The following MRPS22 variants were observed in gnomAD, a reference collection of about 807,000 sequenced individuals.
The protein encoded by MRPS22 is small ribosomal subunit protein mS22.
MRPS22 carries 30 observed loss-of-function variants against 44.0 expected under a neutral mutation model. That is an observed-to-expected ratio of 0.68 (90% CI 0.51 to 0.93). MRPS22 has a LOEUF of 0.93. Ranked by LOEUF, MRPS22 falls within the 40% of genes least tolerant of loss-of-function variation. MRPS22 has a pLI of 0.00. For missense variants in MRPS22, 447 were observed against 447.8 expected, an observed-to-expected ratio of 1.00 and a Z score of 0.02; for synonymous variants, 165 against 154.4, an observed-to-expected ratio of 1.07 and a Z score of -0.51.
At position 139,352,817 on chromosome 3, in the gene MRPS22, A is replaced by C. The variant is rs371823847; in HGVS notation, c.878+25A>C. 615 of 1,608,162 alleles carry C rather than the reference A, an allele frequency of 3.8e-4. 1 individual carries two copies. The highest frequency in any genetic ancestry group is 3.6e-4 in the Non-Finnish European group (423 of 1,176,146). ...TGTAAGTATGATCTTAGTAAGTGAA[A>C]GAATCATTCTTATTGCTCTAACAGT... On this transcript the variant is annotated intron_variant, in intron 6 of 7. Transcript: ENST00000680020.
At chr3:139,356,483 G>T (rs1389567624) in intron 7 of MRPS22, among the ~76,000 whole-genome samples, 2 of 152,196 alleles carry the variant, frequency 1.3e-5, no homozygotes, top group African/African-American at 2.4e-5. Context: ...GACCTGTGAT[G>T]ACATCCTAGG....
chr3:139,350,080 T>C, intron 3 of MRPS22, 99 bp from the exon 4 acceptor site: 1 of 1,393,236 alleles, frequency 7.2e-7, no homozygotes, highest in Non-Finnish European at 1.0e-6. Flanking sequence ...GCATTTTATA[T>C]TGTTGATTGC....
intron 5 of MRPS22, chr3:139,352,217 T>C (rs16849013): frequency 0.018 from 3,333 of 186,038 alleles, 106 homozygotes; most frequent in African/African-American, 0.074. Context: ...TGCTTCAGGC[T>C]GCCACATACT....
At chr3:139,347,957 T>C (rs1023632030) in intron 2 of MRPS22, among the ~76,000 whole-genome samples, 3 of 152,176 alleles carry the variant, frequency 2.0e-5, no homozygotes, top group African/African-American at 7.2e-5. Flanking sequence ...AACGGTTGAG[T>C]CTATAGCTGG....
chr3:139,350,811 G>A, intron 4 of MRPS22, 166 bp from the exon 5 acceptor site: 2 of 683,896 alleles, frequency 2.9e-6, no homozygotes, highest in Non-Finnish European at 5.4e-6. Context: ...TGGCTTAGCT[G>A]GAATTTGAAT....
rs11556242 is a variant in MRPS22, at chr3:139,350,268, A to C, written c.594A>C (p.Pro198=). Residue 198 remains proline (P), a synonymous_variant, in exon 4 of 8, where the codon CCA becomes CCC. Coordinates refer to ENST00000680020, the MANE Select transcript of MRPS22 (RefSeq NM_020191.4). ...ERDRMIQVYF[P]KEGRKILTPI... ...ACCGAATGATACAAGTTTATTTCCCAAAAGAAGGTCGTAAAATTTTGACAC... is the reference window on the plus strand; with the variant it reads ...ACCGAATGATACAAGTTTATTTCCCCAAAGAAGGTCGTAAAATTTTGACAC... 1.2e-6 allele frequency: 2 copies of C among 1,614,198 alleles called. No individual in the cohort carries two copies. The highest frequency in any genetic ancestry group is 2.2e-5 in the South Asian group (2 of 91,090).
chr3:139,351,233 A>T (rs1376932758), intron 5 of MRPS22, 173 bp downstream of exon 5: 2 of 610,124 alleles, frequency 3.3e-6, no homozygotes, highest in Non-Finnish European at 5.9e-6. Context: ...AATCACAACA[A>T]CCCTTGATTA....
At chr3:139,346,137 C>T (rs76239664) in intron 1 of MRPS22, among the ~76,000 whole-genome samples, 6 of 152,342 alleles carry the variant, frequency 3.9e-5, no homozygotes, top group East Asian at 1.9e-4. Context: ...TGATAACACA[C>T]GGCCTCTTCA....
intron 5 of MRPS22, chr3:139,352,024 G>C (rs1941161149): frequency 6.5e-6 from 1 of 153,624 alleles, no homozygotes; most frequent in Non-Finnish European, 1.4e-5. Flanking sequence ...TAGGGTAGTT[G>C]ATGGGGGGAG....
intron 5 of MRPS22, chr3:139,351,756 C>T (rs1347242805): frequency 3.2e-5 from 5 of 154,404 alleles, no homozygotes; most frequent in Non-Finnish European, 5.7e-5. Flanking sequence ...GCTTGAGAAA[C>T]GGCCAGTGAT....
In MRPS22 at chr3:139,348,223, C is replaced by G; in HGVS notation, c.403C>G (p.Arg135Gly). Residue 135 changes from arginine to glycine, a missense_variant, in exon 3 of 8, where the codon CGA becomes GGA. Arg to Gly is a moderately radical substitution (Grantham distance 125). Coordinates refer to ENST00000680020, the MANE Select transcript of MRPS22 (RefSeq NM_020191.4). Reference sequence around the variant, plus strand: ...AAAAATGCCACCAGTTCTGGAAGAGCGAGTACCAATAAATGATGTGTTAGC... The same window carrying G: ...AAAAATGCCACCAGTTCTGGAAGAGGGAGTACCAATAAATGATGTGTTAGC... ...RLKMPPVLEERVPINDVLAED... is the reference protein window; with the variant it reads ...RLKMPPVLEEGVPINDVLAED... 1.2e-6 allele frequency: 2 copies of G among 1,613,984 alleles called. No individual in the cohort carries two copies. Among genetic ancestry groups the G allele is most frequent in the Non-Finnish European group, 1.7e-6 (2 of 1,179,964 alleles).
chr3:139,354,578 GCT>G (rs138940929), intron 6 of MRPS22, among the ~76,000 whole-genome samples: 2,221 of 152,200 alleles, frequency 0.015, 27 homozygotes, highest in Admixed American at 0.041. Context: ...TGATACAACA[GCT>G]CTGTTTTCCT....
chr3:139,352,467 C>T, intron 5 of MRPS22, 180 bp from the exon 6 acceptor site: 1 of 574,528 alleles, frequency 1.7e-6, no homozygotes, highest in Non-Finnish European at 3.1e-6. Flanking sequence ...TCCTTCCCAC[C>T]TAAGGTGGGT....
intron 3 of MRPS22, among the ~76,000 whole-genome samples, 189 bp from the exon 4 acceptor site, chr3:139,349,989 CA>C (rs1410554514): frequency 6.6e-6 from 1 of 152,156 alleles, no homozygotes; most frequent in Non-Finnish European, 1.5e-5. Flanking sequence ...GTCAGATGCA[CA>C]GCAGTGATTA....
At chr3:139,356,302 T>C (rs553197874) in intron 7 of MRPS22, among the ~76,000 whole-genome samples, 2 of 152,354 alleles carry the variant, frequency 1.3e-5, no homozygotes, top group South Asian at 2.1e-4. Flanking sequence ...CATGGGCTTA[T>C]GTACATTTAT....
At chr3:139,351,363 A>G (rs1420206639) in intron 5 of MRPS22, 3 of 384,884 alleles carry the variant, frequency 7.8e-6, no homozygotes, top group Non-Finnish European at 1.5e-5. Flanking sequence ...AGTTTACCGT[A>G]TAGGAATCAA....
rs1404376051 is a variant in MRPS22, at chr3:139,348,303, A to G, written c.483A>G (p.Ile161Met). The G allele has an allele frequency of 6.2e-7, 1 of 1,614,084 alleles. No homozygotes were observed. Among genetic ancestry groups the G allele is most frequent in the Non-Finnish European group, 8.5e-7 (1 of 1,179,986 alleles). Reference protein sequence around the residue: ...TETTKYVFTDISYSIPHRERF... With the variant: ...TETTKYVFTDMSYSIPHRERF... The stretch of plus-strand genomic sequence containing the variant: ...CAACCAAATATGTGTTTACTGATAT[A>G]TCATATAGCATACCACACCGGGTGA... The change falls in exon 3 of 8, where the codon ATA becomes ATG. Residue 161 changes from isoleucine to methionine, a missense_variant. Physicochemically the swap from Ile to Met is conservative, Grantham distance 10. Coordinates refer to ENST00000680020, the MANE Select transcript of MRPS22 (RefSeq NM_020191.4).
intron 1 of MRPS22, among the ~76,000 whole-genome samples, chr3:139,346,075 G>C (rs1272886791): frequency 1.3e-5 from 2 of 152,170 alleles, no homozygotes; most frequent in South Asian, 2.1e-4. Context: ...TAAGCAAACT[G>C]CATGAGGCTG....
At chr3:139,348,956 G>C (rs1397417527) in intron 3 of MRPS22, 2 of 173,916 alleles carry the variant, frequency 1.1e-5, no homozygotes, top group African/African-American at 4.8e-5. Flanking sequence ...AGAATAAAAA[G>C]AGAATAGTTT....
Sources: gnomAD v4.1 joint callset for allele counts (sites outside exome capture counted in the v4.1 genomes callset) on GRCh38, gnomAD v4.1.1 for gene constraint, MANE v1.5 for transcripts, NCBI Gene and HGNC (gene_info 2026-07-23, HGNC 2026-07-21) for gene names.